The following PNOC variants were observed in gnomAD, a reference collection of about 807,000 sequenced individuals.
The protein encoded by PNOC is prepronociceptin.
Under a neutral mutation model 15.6 loss-of-function variants are expected in PNOC, and 10 were observed. That is an observed-to-expected ratio of 0.64 (90% confidence interval 0.40 to 1.09). The LOEUF (loss-of-function observed/expected upper bound fraction) is 1.09. Among genes scored for constraint, PNOC ranks in the 50% least tolerant of loss-of-function variants. PNOC has a pLI of 0.01. For synonymous variants in PNOC, 98 were observed against 88.5 expected (o/e 1.11, Z -0.60); for missense variants, 220 against 223.9 (o/e 0.98, Z 0.11).
At chr8:28,337,575 C>T (rs956505474) in intron 2 of PNOC, among the ~76,000 whole-genome samples, 3 of 133,778 alleles carry the variant, frequency 2.2e-5, no homozygotes, top group African/African-American at 7.9e-5. Context: ...TCTGGGATTA[C>T]GTTTCCTTTT....
intron 2 of PNOC, 111 bp from the exon 3 acceptor site, chr8:28,338,929 T>G (rs1801460910): frequency 1.8e-6 from 2 of 1,133,382 alleles, no homozygotes; most frequent in Admixed American, 4.7e-5. Context: ...CTTGATAACT[T>G]AGATGCTTCA....
At chr8:28,321,269 A>C (rs1801148370) in intron 1 of PNOC, among the ~76,000 whole-genome samples, 1 of 148,232 alleles carries the variant, frequency 6.7e-6, no homozygotes, top group Non-Finnish European at 1.5e-5. Context: ...GCTGGTCTCA[A>C]ACTCCTGGGC....
chr8:28,338,519 G>A (rs1563331341), intron 2 of PNOC: 8 of 835,946 alleles, frequency 9.6e-6, no homozygotes, highest in East Asian at 1.2e-4. Flanking sequence ...TGCTGTACGC[G>A]GGATGAAAAA....
intron 1 of PNOC, among the ~76,000 whole-genome samples, chr8:28,328,396 A>G (rs1801261920): frequency 6.6e-6 from 1 of 152,092 alleles, no homozygotes; most frequent in Admixed American, 6.5e-5. Context: ...CCATCTCTTA[A>G]TATCATCACG....
chr8:28,319,401 G>A (rs990817455), intron 1 of PNOC, among the ~76,000 whole-genome samples: 5 of 152,114 alleles, frequency 3.3e-5, no homozygotes, highest in African/African-American at 7.2e-5. Flanking sequence ...AGAAGAATTC[G>A]GGAGAAGGAG....
chr8:28,322,036 A>T (rs760479723), intron 1 of PNOC, among the ~76,000 whole-genome samples: 17 of 152,244 alleles, frequency 1.1e-4, no homozygotes, highest in Non-Finnish European at 1.9e-4. Flanking sequence ...TCTGATGGAC[A>T]TGCAGCTGGT....
At position 28,339,210 on chromosome 8, in the gene PNOC, C is replaced by G; in HGVS notation, c.297C>G (p.Pro99=). Residue 99 remains proline, a synonymous_variant, in exon 3 of 4, where the codon CCC becomes CCG. Transcript: ENST00000301908. ...AGATGCAGCATCTGCGGCGAATGCC[C>G]CGAGTCCGGAGCTTGTTCCAGGAGC... is the stretch of plus-strand genomic sequence containing the variant. ...ASEMQHLRRM[P]RVRSLFQEQE... The G allele has an allele frequency of 6.2e-7, 1 of 1,612,996 alleles. No homozygotes were observed. The highest frequency in any genetic ancestry group is 8.5e-7 in the Non-Finnish European group (1 of 1,179,014).
chr8:28,324,568 A>G (rs992030814), intron 1 of PNOC, among the ~76,000 whole-genome samples: 3 of 152,200 alleles, frequency 2.0e-5, no homozygotes, highest in African/African-American at 7.2e-5. Context: ...AACTTAGTAG[A>G]ATGAGAAATG....
At chr8:28,336,719 G>A (rs1801417890) in intron 2 of PNOC, among the ~76,000 whole-genome samples, 1 of 152,082 alleles carries the variant, frequency 6.6e-6, no homozygotes, top group Admixed American at 6.5e-5. Flanking sequence ...TTCAGGAAGA[G>A]TATCCTGCCA....
intron 2 of PNOC, 154 bp from the exon 3 acceptor site, chr8:28,338,886 A>G: frequency 9.9e-7 from 1 of 1,012,676 alleles, no homozygotes; most frequent in Non-Finnish European, 1.3e-6. Flanking sequence ...AAATTCTACG[A>G]ACCTAAAACC....
At chr8:28,338,248 TG>T (rs567691660) in intron 2 of PNOC, among the ~76,000 whole-genome samples, 164 of 151,506 alleles carry the variant, frequency 1.1e-3, no homozygotes, top group African/African-American at 3.4e-3. Flanking sequence ...ACGTGGGAGG[TG>T]GGGGGCCAAG....
At chr8:28,319,317 G>T (rs965303888) in intron 1 of PNOC, among the ~76,000 whole-genome samples, 1 of 152,126 alleles carries the variant, frequency 6.6e-6, no homozygotes, top group African/African-American at 2.4e-5. Context: ...ACACAAACAT[G>T]AGAAACAATT....
chr8:28,320,282 A>G (rs911391856), intron 1 of PNOC, among the ~76,000 whole-genome samples: 14 of 150,142 alleles, frequency 9.3e-5, no homozygotes, highest in Non-Finnish European at 3.0e-5. Flanking sequence ...ACTGGCCTGC[A>G]ATCTTCCCCC....
chr8:28,335,142 C>T (rs1022247341), intron 2 of PNOC, among the ~76,000 whole-genome samples: 1 of 152,224 alleles, frequency 6.6e-6, no homozygotes, highest in Non-Finnish European at 1.5e-5. Flanking sequence ...AGACCTAGTC[C>T]CTGCCTGTCC....
At chr8:28,322,398 A>T (rs191092551) in intron 1 of PNOC, among the ~76,000 whole-genome samples, 97 of 152,286 alleles carry the variant, frequency 6.4e-4, no homozygotes, top group Non-Finnish European at 1.1e-3. Context: ...TCTCCAAAAA[A>T]TAAAAAATAA....
At chr8:28,334,049 A>AACAC (rs71678743) in intron 2 of PNOC, among the ~76,000 whole-genome samples, 1,531 of 146,954 alleles carry the variant, frequency 0.01, 12 homozygotes, top group East Asian at 0.025. Context: ...AGGTGCCAGT[A>AACAC]ACACACACAC....
chr8:28,325,874 G>C (rs1801217690), intron 1 of PNOC, among the ~76,000 whole-genome samples: 1 of 152,090 alleles, frequency 6.6e-6, no homozygotes, highest in African/African-American at 2.4e-5. Context: ...ATTGGAGATG[G>C]CTTGGGGGGA....
intron 1 of PNOC, among the ~76,000 whole-genome samples, chr8:28,319,283 G>A (rs1026655894): frequency 1.3e-5 from 2 of 152,078 alleles, no homozygotes; most frequent in Non-Finnish European, 1.5e-5. Flanking sequence ...CTCATAGTGG[G>A]GTCGGGGGTA....
chr8:28,339,262 G>C lies in PNOC; in HGVS notation c.349G>C (p.Glu117Gln). 6.2e-7 allele frequency: 1 copy of C among 1,607,702 alleles called. No homozygotes were observed. The change falls in exon 3 of 4, where the codon GAG becomes CAG. Residue 117 changes from glutamate to glutamine, a missense_variant. Glu to Gln is a conservative substitution (Grantham distance 29, BLOSUM62 2). Coordinates refer to ENST00000301908, the MANE Select transcript of PNOC (RefSeq NM_006228.5). ...EQEEPEPGMEEAGEMEQKQLQ... is the reference protein window; with the variant it reads ...EQEEPEPGMEQAGEMEQKQLQ... ...GGAAGAGCCCGAGCCTGGCATGGAGGAGGCTGGTGAGATGGAGCAGAAGCA... is the reference window on the plus strand; with the variant it reads ...GGAAGAGCCCGAGCCTGGCATGGAGCAGGCTGGTGAGATGGAGCAGAAGCA...
Sources: gnomAD v4.1 joint callset for allele counts (sites outside exome capture counted in the v4.1 genomes callset) on GRCh38, gnomAD v4.1.1 for gene constraint, MANE v1.5 for transcripts, NCBI Gene and HGNC (gene_info 2026-07-23, HGNC 2026-07-21) for gene names.